APBA1: variants seen among roughly 807,000 people sequenced by gnomAD.
APBA1 encodes amyloid-beta A4 precursor protein-binding family A member 1.
Under a neutral mutation model 86.6 loss-of-function variants are expected in APBA1, and 55 were observed. That is an observed-to-expected ratio of 0.64 (90% CI 0.51 to 0.80). The LOEUF is 0.80. Among genes scored for constraint, APBA1 ranks in the 30% least tolerant of loss-of-function variants. The pLI is 0.00. For synonymous variants in APBA1, 511 were observed against 493.9 expected (o/e 1.03, Z -0.46); for missense variants, 1,090 against 1,183.0 (o/e 0.92, Z 1.15).
chr9:69,515,969 C>T (rs1836133903), intron 2 of APBA1, 42 bp downstream of exon 2: 1 of 1,471,724 alleles, frequency 6.8e-7, no homozygotes, highest in Non-Finnish European at 9.1e-7. Context: ...TCTTCCCTCC[C>T]ACCGCGTGGG....
intron 1 of APBA1, among the ~76,000 whole-genome samples, chr9:69,600,833 T>TAAATAAAA (rs1263840679): frequency 2.0e-5 from 3 of 146,650 alleles, no homozygotes; most frequent in African/African-American, 7.5e-5. Context: ...AATAAATAAA[T>TAAATAAAA]AAAATAAAAT....
intron 2 of APBA1, among the ~76,000 whole-genome samples, chr9:69,502,132 AG>A (rs1231069701): frequency 6.8e-6 from 1 of 147,806 alleles, no homozygotes; most frequent in African/African-American, 2.7e-5. Flanking sequence ...TGGAGCCCAG[AG>A]GGTTAAAAAA....
intron 1 of APBA1, among the ~76,000 whole-genome samples, chr9:69,556,860 T>C (rs180792628): frequency 3.3e-5 from 5 of 152,234 alleles, no homozygotes; most frequent in Admixed American, 1.3e-4. Flanking sequence ...CAGGGACTCA[T>C]AGTAATAATG....
intron 5 of APBA1, chr9:69,463,298 A>C (rs1298582258): frequency 1.3e-5 from 2 of 152,184 alleles, no homozygotes; most frequent in African/African-American, 4.8e-5. Flanking sequence ...TTATTCCTAA[A>C]GGGCCTATCA....
chr9:69,536,205 G>A (rs1347454118), intron 1 of APBA1, among the ~76,000 whole-genome samples: 1 of 149,418 alleles, frequency 6.7e-6, no homozygotes, highest in Non-Finnish European at 1.5e-5. Flanking sequence ...CCTCCTCATA[G>A]ATTATATCCT....
At chr9:69,550,256 CTT>C (rs1455664546) in intron 1 of APBA1, among the ~76,000 whole-genome samples, 3 of 152,262 alleles carry the variant, frequency 2.0e-5, no homozygotes, top group East Asian at 1.9e-4. Context: ...AAATAATAAA[CTT>C]GATGGAAAAT....
chr9:69,504,776 C>T (rs925234044), intron 2 of APBA1, among the ~76,000 whole-genome samples: 3 of 151,980 alleles, frequency 2.0e-5, no homozygotes, highest in Admixed American at 2.0e-4. Flanking sequence ...GTTTCCATTT[C>T]CAACTCTTGC....
rs79894463 is a variant in APBA1 at position 69,455,219 on chromosome 9, C to T, written c.1788+1028G>A. Among the ~76,000 whole-genome samples, 732 of 152,254 alleles carry T rather than the reference C, an allele frequency of 4.8e-3. 3 individuals are homozygous for T. The highest frequency in any genetic ancestry group is 0.016 in the African/African-American group (674 of 41,540). On this transcript the variant is annotated intron_variant, in intron 8 of 12. Transcript: ENST00000265381. ...ATCTTCTCTTCCCAGATCAGGACTC[C>T]GTGCTCCATGTGAGAAACAGAGCCT...
intron 1 of APBA1, among the ~76,000 whole-genome samples, chr9:69,669,697 C>T (rs937760767): frequency 6.6e-6 from 1 of 152,168 alleles, no homozygotes; most frequent in Admixed American, 6.5e-5. Context: ...ATTGCTTGAG[C>T]TAGGAGTTTG....
chr9:69,653,024 A>C (rs1168693537), intron 1 of APBA1, among the ~76,000 whole-genome samples: 5 of 151,566 alleles, frequency 3.3e-5, no homozygotes, highest in Non-Finnish European at 7.4e-5. Flanking sequence ...CAAAAAAAAA[A>C]CAAAAAAACA....
chr9:69,640,395 T>G (rs755891045), intron 1 of APBA1, among the ~76,000 whole-genome samples: 7 of 152,022 alleles, frequency 4.6e-5, no homozygotes, highest in Non-Finnish European at 1.0e-4. Context: ...TGGGAGAAGT[T>G]TAGAATTGCT....
At chr9:69,434,067 C>G (rs116032684) in intron 11 of APBA1, among the ~76,000 whole-genome samples, 1 of 152,182 alleles carries the variant, frequency 6.6e-6, no homozygotes, top group African/African-American at 2.4e-5. Flanking sequence ...CTGGCTTCGC[C>G]GGAAGGCCAA....
chr9:69,575,609 G>T (rs1223055495), intron 1 of APBA1, among the ~76,000 whole-genome samples: 1 of 152,166 alleles, frequency 6.6e-6, no homozygotes, highest in Non-Finnish European at 1.5e-5. Context: ...AATAGGGAAA[G>T]AATTCCCTAT....
chr9:69,607,137 T>C (rs1382084689), intron 1 of APBA1, among the ~76,000 whole-genome samples: 1 of 152,180 alleles, frequency 6.6e-6, no homozygotes, highest in African/African-American at 2.4e-5. Flanking sequence ...ATTCGTTTGT[T>C]CTCACACTGC....
rs374580931 is a variant in APBA1 at position 69,596,340 on chromosome 9, G to C, written c.-70+75813C>G. Among the ~76,000 whole-genome samples the C allele has an allele frequency of 1.5e-4, 23 of 152,168 alleles. No individual in the cohort carries two copies. The East Asian group carries it at 4.2e-3, about 28-fold the overall frequency. On this transcript the variant is annotated intron_variant, in intron 1 of 12. Transcript: ENST00000265381. ...TGCTGATATTTTTCTTTTACCCACTGATATGGAACTTTTATTCTTTCCAGG... is the reference window on the plus strand; with the variant it reads ...TGCTGATATTTTTCTTTTACCCACTCATATGGAACTTTTATTCTTTCCAGG...
chr9:69,464,880 T>C (rs2133824833), intron 5 of APBA1: 1 of 152,276 alleles, frequency 6.6e-6, no homozygotes, highest in South Asian at 2.1e-4. Context: ...AGTCCAAAGC[T>C]ATCAGAGGGC....
At chr9:69,638,960 G>A (rs1823233452) in intron 1 of APBA1, among the ~76,000 whole-genome samples, 1 of 151,972 alleles carries the variant, frequency 6.6e-6, no homozygotes, top group Admixed American at 6.6e-5. Flanking sequence ...TATATAGACA[G>A]GGACAGAGCT....
At chr9:69,583,345 C>T (rs997155035) in intron 1 of APBA1, among the ~76,000 whole-genome samples, 2 of 152,174 alleles carry the variant, frequency 1.3e-5, no homozygotes, top group East Asian at 1.9e-4. Flanking sequence ...TGCTGGCTCT[C>T]GGTCTCTTCT....
intron 1 of APBA1, among the ~76,000 whole-genome samples, chr9:69,583,573 TA>T (rs1371849202): frequency 6.6e-6 from 1 of 152,216 alleles, no homozygotes; most frequent in East Asian, 1.9e-4. Context: ...ATGATGTTAT[TA>T]GAGCTAACTC....
Sources: allele counts gnomAD v4.1 joint callset (sites outside exome capture counted in the v4.1 genomes callset), GRCh38; gene constraint gnomAD v4.1.1; transcripts MANE v1.5; gene names NCBI Gene and HGNC (gene_info 2026-07-23, HGNC 2026-07-21).